Variants in MYLK3 observed in about 807,000 individuals in gnomAD.
MYLK3 encodes MLC kinase.
In MYLK3, 55 loss-of-function variants were observed where a neutral mutation model predicts 76.3. That is an observed-to-expected ratio of 0.72 (90% CI 0.58 to 0.90). The LOEUF (loss-of-function observed/expected upper bound fraction) is 0.90, where lower values mean the gene tolerates loss of function less well. MYLK3 is among the 40% of genes least tolerant of loss of function. MYLK3 has a pLI of 0.00. For missense variants in MYLK3, 973 were observed against 1,053.6 expected (o/e 0.92, Z 1.06); for synonymous variants, 416 against 425.4 (o/e 0.98, Z 0.27).
intron 8 of MYLK3, 194 bp downstream of exon 8, chr16:46,727,042 T>C: frequency 2.2e-6 from 1 of 462,508 alleles, no homozygotes; most frequent in Non-Finnish European, 3.8e-6. Flanking sequence ...CTTAAAGAGG[T>C]ACCATTATCC....
At chr16:46,709,039 A>G (rs1462031619) in intron 12 of MYLK3, among the ~76,000 whole-genome samples, 1 of 152,196 alleles carries the variant, frequency 6.6e-6, no homozygotes, top group Non-Finnish European at 1.5e-5. Context: ...TTGCTCTGTG[A>G]CATTTTTAAA....
intron 12 of MYLK3, among the ~76,000 whole-genome samples, chr16:46,708,137 C>T (rs1301383199): frequency 6.6e-6 from 1 of 152,052 alleles, no homozygotes; most frequent in African/African-American, 2.4e-5. Context: ...TCCCAAGTAG[C>T]TGGGACTACA....
At chr16:46,752,662 C>T (rs987475922), upstream of MYLK3, among the ~76,000 whole-genome samples, 1 of 152,044 alleles carries the variant, frequency 6.6e-6, no homozygotes, top group Non-Finnish European at 1.5e-5. Flanking sequence ...TTGCTTGAGC[C>T]CAGGAGTTCA....
In MYLK3 at chr16:46,719,053, G is replaced by A. The variant is rs140624148; in HGVS notation, c.1985+2070C>T. ...ACCTGGAAGATATGTGATTCGGCCTGCCGTGGTGGCTCATACCTATAATCC... is the reference window on the plus strand; with the variant it reads ...ACCTGGAAGATATGTGATTCGGCCTACCGTGGTGGCTCATACCTATAATCC... On this transcript the variant is annotated intron_variant, in intron 9 of 12. Transcript: ENST00000394809. Among the ~76,000 whole-genome samples, 902 of 152,208 alleles carry A rather than the reference G, an allele frequency of 5.9e-3. 11 individuals carry two copies. The highest frequency in any genetic ancestry group is 0.021 in the African/African-American group (865 of 41,516).
At chr16:46,750,271 C>T (rs1310189498), upstream of MYLK3, among the ~76,000 whole-genome samples, 1 of 152,194 alleles carries the variant, frequency 6.6e-6, no homozygotes, top group Non-Finnish European at 1.5e-5. Context: ...AGCTGGTGCC[C>T]ATAATTTTTG....
chr16:46,711,151 C>T (rs1006255008), intron 10 of MYLK3, among the ~76,000 whole-genome samples: 1 of 152,172 alleles, frequency 6.6e-6, no homozygotes, highest in Non-Finnish European at 1.5e-5. Context: ...GTCCTTGAGA[C>T]AGCCAGGCTT....
chr16:46,731,549 C>T (rs1210341887), intron 4 of MYLK3, among the ~76,000 whole-genome samples: 2 of 152,218 alleles, frequency 1.3e-5, no homozygotes, highest in Non-Finnish European at 2.9e-5. Flanking sequence ...TGCTCTCCAA[C>T]TACCGGGAAC....
At chr16:46,739,130 C>T (rs1256378798) in intron 2 of MYLK3, among the ~76,000 whole-genome samples, 1 of 152,010 alleles carries the variant, frequency 6.6e-6, no homozygotes. Context: ...TGTGAGCCAC[C>T]GTGCCCGGCC....
chr16:46,740,206 A>G lies in MYLK3; in HGVS notation c.478-59T>C, dbSNP rs1966906844. 3 of 1,432,108 alleles carry G rather than the reference A, an allele frequency of 2.1e-6. No homozygotes were observed. The Admixed American group carries it at 5.0e-5, about 24-fold the overall frequency. The allele number at this position is 1,432,108 out of a possible 1,614,324, so 88.7% of individuals were successfully genotyped here. ...TCATCAACATTGCCATTCAGGCCAC[A>G]GACATTTGTTTAGCACCTCCCCCTT... On this transcript the variant is annotated intron_variant, in intron 1 of 12. Transcript: ENST00000394809.
chr16:46,748,226 G>A lies in MYLK3; in HGVS notation c.-33C>T, dbSNP rs1465321178. ...CAGGCTTGACAAGGGCAAGAGCGGG[G>A]AATGAGGAGAGGCACAGACCCCTGG... On this transcript the variant is annotated 5_prime_UTR_variant, in exon 1 of 13. Coordinates refer to ENST00000394809, the MANE Select transcript of MYLK3 (RefSeq NM_182493.3). This position sits in a 1 kb window ranked among gnomAD's most constrained non-coding sequence, Gnocchi z 4.3. The A allele has an allele frequency of 1.9e-6, 3 of 1,588,190 alleles. No individual in the cohort carries two copies. Among genetic ancestry groups the A allele is most frequent in the Non-Finnish European group, 2.6e-6 (3 of 1,166,394 alleles).
chr16:46,760,960 G>C (rs528337783), intron 1 of MYLK3, among the ~76,000 whole-genome samples: 7 of 152,162 alleles, frequency 4.6e-5, no homozygotes, highest in African/African-American at 1.7e-4. Flanking sequence ...ATGGTTGTTG[G>C]GGATCAAAAG....
chr16:46,717,070 G>C (rs1363817765), intron 9 of MYLK3, among the ~76,000 whole-genome samples: 1 of 152,138 alleles, frequency 6.6e-6, no homozygotes, highest in East Asian at 1.9e-4. Context: ...ACCCAAAGAG[G>C]GGGTCTTGGG....
intron 9 of MYLK3, among the ~76,000 whole-genome samples, chr16:46,716,923 A>G (rs1243865897): frequency 6.6e-6 from 1 of 152,184 alleles, no homozygotes; most frequent in Non-Finnish European, 1.5e-5. Flanking sequence ...GCACCCAGGG[A>G]AGGCATGGAA....
At chr16:46,735,130 GAC>G (rs1966862102) in intron 3 of MYLK3, among the ~76,000 whole-genome samples, 1 of 151,222 alleles carries the variant, frequency 6.6e-6, no homozygotes, top group South Asian at 2.1e-4. Context: ...GACAGAGTGA[GAC>G]CCTGTCTCAA....
At chr16:46,709,883 T>C (rs1162640920) in intron 11 of MYLK3, among the ~76,000 whole-genome samples, 1 of 152,102 alleles carries the variant, frequency 6.6e-6, no homozygotes, top group East Asian at 1.9e-4. Context: ...CTGACCTCTA[T>C]AGGGGGAACA....
At chr16:46,760,985 TG>T (rs1167498491) in intron 1 of MYLK3, among the ~76,000 whole-genome samples, 1 of 152,106 alleles carries the variant, frequency 6.6e-6, no homozygotes, top group Non-Finnish European at 1.5e-5. Flanking sequence ...AATGACACAG[TG>T]GCCAGGGCAG....
In MYLK3 at chr16:46,727,232, C is replaced by G; in HGVS notation, c.1914+4G>C. 6.8e-6 allele frequency: 11 copies of G among 1,613,310 alleles called. No homozygotes were observed. Among genetic ancestry groups the G allele is most frequent in the Non-Finnish European group, 9.3e-6 (11 of 1,179,366 alleles). ...CCCTACCGCATGCCCAGGGCAGAACCCACCTTGAGGTCCAGGTGCAGGATG... is the reference window on the plus strand; with the variant it reads ...CCCTACCGCATGCCCAGGGCAGAACGCACCTTGAGGTCCAGGTGCAGGATG... On this transcript the variant is annotated splice_donor_region_variant and intron_variant, in intron 8 of 12. Transcript: ENST00000394809.
chr16:46,747,361 G>C (rs1321519806), intron 1 of MYLK3, among the ~76,000 whole-genome samples: 1 of 152,202 alleles, frequency 6.6e-6, no homozygotes, highest in African/African-American at 2.4e-5. Context: ...ACTCCTGCCT[G>C]TCCCACCCCA....
At position 46,729,109 on chromosome 16, in the gene MYLK3, T is replaced by C. The variant is rs1244164543; in HGVS notation, c.1687A>G (p.Ile563Val). ...DREDVKNEIN[I>V]MNQLSHVNLI... Reference sequence around the variant, plus strand: ...TTCACGTGGCTGAGCTGGTTCATGATGTTGATCTCGTTCTTCACGTCCTCC... The same window carrying C: ...TTCACGTGGCTGAGCTGGTTCATGACGTTGATCTCGTTCTTCACGTCCTCC... The change falls in exon 7 of 13, where the codon ATC (isoleucine) becomes GTC (valine). Residue 563 changes from isoleucine (I) to valine (V), a missense_variant. Ile to Val is a conservative substitution (Grantham distance 29). This residue lies in a region of MYLK3 where 332 missense variants were observed against 416.6 expected (regional missense o/e 0.80). Coordinates refer to ENST00000394809, the MANE Select transcript of MYLK3 (RefSeq NM_182493.3). The C allele has an allele frequency of 1.9e-6, 3 of 1,614,106 alleles. No individual in the cohort carries two copies. The highest frequency in any genetic ancestry group is 2.5e-6 in the Non-Finnish European group (3 of 1,179,950).
Sources: gnomAD v4.1 joint callset for allele counts (sites outside exome capture counted in the v4.1 genomes callset) on GRCh38, gnomAD v4.1.1 for gene constraint, gnomAD v4.1.1 regional missense constraint, Gnocchi (gnomAD v3.1) non-coding constraint, MANE v1.5 for transcripts, NCBI Gene and HGNC (gene_info 2026-07-23, HGNC 2026-07-21) for gene names.